The following TUSC3 variants were observed in gnomAD, a reference collection of about 807,000 sequenced individuals.
The protein encoded by TUSC3 is dolichyl-diphosphooligosaccharide--protein glycosyltransferase subunit TUSC3.
In TUSC3, 45 loss-of-function variants were observed where a neutral mutation model predicts 44.8. The ratio of observed to expected loss-of-function variants is 1.00; its 90% CI spans 0.79 to 1.29. The LOEUF (loss-of-function observed/expected upper bound fraction) is 1.29. Among genes scored for constraint, TUSC3 ranks in the 50% most tolerant of loss-of-function variants. The pLI, the probability that TUSC3 is intolerant of heterozygous loss-of-function variation, is 0.00. For missense variants in TUSC3, 519 were observed against 437.9 expected (o/e 1.19, Z -1.65); for synonymous variants, 212 against 152.9 (o/e 1.39, Z -2.85).
At chr8:15,475,795 G>C (rs1022136920) in intron 1 of TUSC3, among the ~76,000 whole-genome samples, 1 of 152,100 alleles carries the variant, frequency 6.6e-6, no homozygotes, top group Admixed American at 6.6e-5. Flanking sequence ...AAAAGTACTT[G>C]GCATTAATAG....
the TUSC3 span, among the ~76,000 whole-genome samples, chr8:15,830,830 C>T: frequency 1.3e-5 from 2 of 152,056 alleles, no homozygotes; most frequent in Non-Finnish European, 2.9e-5. Context: ...GTGATGGGTA[C>T]ACTAGAAGCT....
intron 6 of TUSC3, among the ~76,000 whole-genome samples, chr8:15,683,110 C>G (rs1808491972): frequency 6.6e-6 from 1 of 152,146 alleles, no homozygotes; most frequent in African/African-American, 2.4e-5. Flanking sequence ...CTTGGAAAGG[C>G]TGATGACTAT....
intron 1 of TUSC3, among the ~76,000 whole-genome samples, chr8:15,436,966 A>T (rs973803461): frequency 6.6e-6 from 1 of 152,206 alleles, no homozygotes; most frequent in Non-Finnish European, 1.5e-5. Flanking sequence ...ATTTATAGCG[A>T]TTCTCACAAT....
chr8:15,510,049 T>G (rs1172309782), intron 2 of TUSC3, among the ~76,000 whole-genome samples: 1 of 152,074 alleles, frequency 6.6e-6, no homozygotes. Context: ...GGTGCACAAC[T>G]GTAGTCCTAG....
the TUSC3 span, among the ~76,000 whole-genome samples, chr8:15,810,052 T>A: frequency 6.6e-6 from 1 of 152,266 alleles, no homozygotes; most frequent in Non-Finnish European, 1.5e-5. Flanking sequence ...TGCTGCTGGT[T>A]CAGGGATCAC....
chr8:15,676,032 C>G (rs114406057), intron 6 of TUSC3, among the ~76,000 whole-genome samples: 3,431 of 152,180 alleles, frequency 0.023, 124 homozygotes, highest in African/African-American at 0.076. Context: ...TATAATTGTA[C>G]TAATTTACAT....
chr8:15,789,102 A>G, the TUSC3 span, among the ~76,000 whole-genome samples: 8 of 152,206 alleles, frequency 5.3e-5, no homozygotes, highest in African/African-American at 1.2e-4. Context: ...GCCCATGACT[A>G]TGAACAAATA....
the TUSC3 span, among the ~76,000 whole-genome samples, chr8:15,818,114 C>G: frequency 6.6e-6 from 1 of 152,176 alleles, no homozygotes; most frequent in Non-Finnish European, 1.5e-5. Context: ...CAAGTTGAAT[C>G]TGAAGTGGAA....
the TUSC3 span, among the ~76,000 whole-genome samples, chr8:15,834,907 C>G: frequency 1.3e-5 from 2 of 152,146 alleles, no homozygotes; most frequent in Non-Finnish European, 1.5e-5. Context: ...AGAGAACTGA[C>G]TTTTCATGTG....
rs75390629 is a variant in TUSC3, at chr8:15,548,314, A to C, written c.138+7746A>C. ...AGAAGCTGGGACACTTGCCAGCCCTAAGCAATAATTTCTATCAGTTAAAGA... is the reference window on the plus strand; with the variant it reads ...AGAAGCTGGGACACTTGCCAGCCCTCAGCAATAATTTCTATCAGTTAAAGA... On this transcript the variant is annotated intron_variant, in intron 1 of 10. Coordinates refer to ENST00000503731, the MANE Select transcript of TUSC3 (RefSeq NM_006765.4). 3.2e-4 allele frequency among the ~76,000 whole-genome samples: 49 copies of C among 152,008 alleles called. 2 individuals are homozygous for C. In the East Asian group the frequency reaches 8.9e-3, roughly 28 times the overall value.
chr8:15,444,097 G>A (rs1487425954), intron 1 of TUSC3, among the ~76,000 whole-genome samples: 1 of 152,176 alleles, frequency 6.6e-6, no homozygotes, highest in East Asian at 1.9e-4. Context: ...CGATTCCCCT[G>A]TCTAGTGTCC....
intron 7 of TUSC3, among the ~76,000 whole-genome samples, chr8:15,731,247 G>GA (rs1810709538): frequency 6.6e-6 from 1 of 152,060 alleles, no homozygotes; most frequent in Admixed American, 6.6e-5. Context: ...GAAGGATGAA[G>GA]AATGTAACAG....
At chr8:15,837,947 G>A in the TUSC3 span, among the ~76,000 whole-genome samples, 2 of 152,188 alleles carry the variant, frequency 1.3e-5, no homozygotes, top group Admixed American at 1.3e-4. Flanking sequence ...TTGCATGAAA[G>A]AAGAGTCTAA....
intron 1 of TUSC3, among the ~76,000 whole-genome samples, chr8:15,583,123 G>A (rs1803442904): frequency 6.6e-6 from 1 of 152,160 alleles, no homozygotes; most frequent in African/African-American, 2.4e-5. Flanking sequence ...ATGGCAATAA[G>A]AATAAACTAG....
At chr8:15,430,307 G>C (rs186011315) in intron 1 of TUSC3, among the ~76,000 whole-genome samples, 10,954 of 135,192 alleles carry the variant, frequency 0.081, 666 homozygotes, top group Middle Eastern at 0.17. Context: ...ATCCCTGAGA[G>C]GCAAGGCTGG....
chr8:15,745,673 C>G (rs180998062), intron 8 of TUSC3, among the ~76,000 whole-genome samples: 1 of 151,018 alleles, frequency 6.6e-6, no homozygotes, highest in Non-Finnish European at 1.5e-5. Flanking sequence ...ATTTAAGTTC[C>G]GTGTAGATTC....
intron 1 of TUSC3, among the ~76,000 whole-genome samples, chr8:15,432,890 G>A (rs10283312): frequency 0.16 from 25,073 of 152,096 alleles, 2,127 homozygotes; most frequent in Middle Eastern, 0.22. Flanking sequence ...ATAAAACCCC[G>A]GTAGGTTAGC....
intron 2 of TUSC3, among the ~76,000 whole-genome samples, chr8:15,530,133 T>C (rs1291438517): frequency 1.3e-5 from 2 of 151,950 alleles, no homozygotes; most frequent in African/African-American, 2.4e-5. Flanking sequence ...GTACCTGGAA[T>C]ATGGGGCTGA....
At chr8:15,572,332 C>G (rs866601431) in intron 1 of TUSC3, among the ~76,000 whole-genome samples, 1 of 152,144 alleles carries the variant, frequency 6.6e-6, no homozygotes, top group Admixed American at 6.5e-5. Flanking sequence ...CCTCTGCCAG[C>G]TTTAAATTTT....
Sources: allele counts gnomAD v4.1 joint callset (sites outside exome capture counted in the v4.1 genomes callset), GRCh38; gene constraint gnomAD v4.1.1; transcripts MANE v1.5; gene names NCBI Gene and HGNC (gene_info 2026-07-23, HGNC 2026-07-21).